The following TMEM260 variants were observed in gnomAD, a reference collection of about 807,000 sequenced individuals.
TMEM260 encodes the protein transmembrane protein 260.
In TMEM260, 82 loss-of-function variants were observed where a neutral mutation model predicts 88.9. The ratio of observed to expected loss-of-function variants is 0.92; its 90% CI spans 0.77 to 1.11. The LOEUF is 1.11. TMEM260 is among the 50% of genes least tolerant of loss of function. TMEM260 has a pLI of 0.00. For synonymous variants in TMEM260, 314 were observed against 309.3 expected (o/e 1.02, Z -0.16); for missense variants, 902 against 853.4 (o/e 1.06, Z -0.71).
intron 3 of TMEM260, among the ~76,000 whole-genome samples, chr14:56,598,174 C>CT (rs1243350802): frequency 2.0e-5 from 3 of 151,416 alleles, no homozygotes; most frequent in African/African-American, 7.3e-5. Flanking sequence ...AAGCAATTGT[C>CT]TGAGAATGAA....
At chr14:56,662,394 C>G in the TMEM260 span, among the ~76,000 whole-genome samples, 1 of 152,126 alleles carries the variant, frequency 6.6e-6, no homozygotes, top group African/African-American at 2.4e-5. Context: ...CTGCAGAGCC[C>G]GGCCACCAAC....
rs1006923243 is a variant in TMEM260 at position 56,579,821 on chromosome 14, C to T, written c.-94C>T. 3.3e-5 allele frequency: 39 copies of T among 1,166,344 alleles called. No individual in the cohort carries two copies. Among genetic ancestry groups the T allele is most frequent in the Admixed American group, 4.2e-5 (1 of 23,600 alleles). The allele number at this position is 1,166,344 out of a possible 1,614,324, so 72.2% of individuals were successfully genotyped here. A position where few individuals can be genotyped will look rare whatever the true frequency, so the allele number is the denominator to read the frequency against. ...TCGACCCGGAAGCCGCCGTGGCCGC[C>T]GCACAAGCTGCGCTCGTCTCTCGGC... On this transcript the variant is annotated 5_prime_UTR_variant, in exon 1 of 16. Coordinates refer to ENST00000261556, the MANE Select transcript of TMEM260 (RefSeq NM_017799.4).
At chr14:56,616,076 GAATTA>G in intron 8 of TMEM260, 49 bp downstream of exon 8, 1 of 1,365,602 alleles carries the variant, frequency 7.3e-7, no homozygotes. Flanking sequence ...TTCATGAATT[GAATTA>G]ATGTTTTCAG....
intron 15 of TMEM260, among the ~76,000 whole-genome samples, chr14:56,639,899 C>CT (rs1344009026): frequency 3.9e-5 from 6 of 152,204 alleles, no homozygotes; most frequent in African/African-American, 1.4e-4. Context: ...GCACAGCAGT[C>CT]TGAGATCAAA....
At chr14:56,635,865 GT>G (rs1215332328) in intron 14 of TMEM260, among the ~76,000 whole-genome samples, 1 of 151,892 alleles carries the variant, frequency 6.6e-6, no homozygotes, top group Non-Finnish European at 1.5e-5. Context: ...ATATACTATA[GT>G]TTATGCAATA....
chr14:56,605,471 A>G (rs190689121), intron 4 of TMEM260, 99 bp from the exon 5 acceptor site: 5,781 of 519,072 alleles, frequency 0.011, 172 homozygotes, highest in East Asian at 0.08. Context: ...ACCTAACATG[A>G]TACGAATGCT....
chr14:56,645,006 G>C (rs1889858776), intron 15 of TMEM260, among the ~76,000 whole-genome samples: 1 of 151,602 alleles, frequency 6.6e-6, no homozygotes, highest in African/African-American at 2.4e-5. Flanking sequence ...AGGTGCTGGA[G>C]AGGATGTGGA....
chr14:56,640,285 C>A (rs912862781), intron 15 of TMEM260, among the ~76,000 whole-genome samples: 1 of 152,090 alleles, frequency 6.6e-6, no homozygotes, highest in Admixed American at 6.5e-5. Flanking sequence ...CCGGGTACTC[C>A]TCTGAGACAA....
intron 12 of TMEM260, among the ~76,000 whole-genome samples, chr14:56,629,481 A>G (rs1331363939): frequency 6.6e-6 from 1 of 152,012 alleles, no homozygotes; most frequent in Non-Finnish European, 1.5e-5. Context: ...AACTTAAGAG[A>G]AAAAAATATT....
At chr14:56,603,741 AC>A in intron 3 of TMEM260, 73 bp from the exon 4 acceptor site, 1 of 1,542,348 alleles carries the variant, frequency 6.5e-7, no homozygotes, top group Non-Finnish European at 8.9e-7. Flanking sequence ...TTCTGCTGGT[AC>A]AGTTTACCAA....
intron 8 of TMEM260, chr14:56,616,259 T>C (rs776391443): frequency 4.8e-4 from 184 of 380,706 alleles, no homozygotes; most frequent in Middle Eastern, 4.3e-3. Context: ...AGTCATTTGA[T>C]GTCCTAAACT....
chr14:56,634,818 G>A, intron 13 of TMEM260, 81 bp from the exon 14 acceptor site: 2 of 1,278,134 alleles, frequency 1.6e-6, no homozygotes, highest in South Asian at 1.2e-5. Flanking sequence ...TTCCAGCCTG[G>A]GCAGCAAGAG....
chr14:56,623,332 G>T (rs868312008), intron 11 of TMEM260, among the ~76,000 whole-genome samples: 1 of 152,154 alleles, frequency 6.6e-6, no homozygotes, highest in African/African-American at 2.4e-5. Context: ...CCCAGTCACA[G>T]GATGCATGCC....
chr14:56,649,696 G>T (rs1890160543), downstream of TMEM260, among the ~76,000 whole-genome samples: 1 of 147,768 alleles, frequency 6.8e-6, no homozygotes, highest in African/African-American at 2.6e-5. Flanking sequence ...GGCAAATGAA[G>T]ACCTCTTTTT....
downstream of TMEM260, chr14:56,650,323 G>T: frequency 3.5e-6 from 1 of 283,246 alleles, no homozygotes; most frequent in Non-Finnish European, 7.0e-6. Flanking sequence ...CTGCCGCCCT[G>T]GCACCAAGGC....
chr14:56,612,374 G>A (rs1887338035), intron 7 of TMEM260, 89 bp downstream of exon 7: 1 of 1,131,846 alleles, frequency 8.8e-7, no homozygotes, highest in Non-Finnish European at 1.3e-6. Flanking sequence ...TCATCTCTTT[G>A]TAACAAAGTA....
intron 5 of TMEM260, 42 bp downstream of exon 5, chr14:56,605,725 T>A (rs779795892): frequency 2.1e-5 from 25 of 1,184,372 alleles, no homozygotes; most frequent in Non-Finnish European, 3.0e-5. Context: ...AATATTTTAC[T>A]TAGGTCTAAT....
intron 6 of TMEM260, among the ~76,000 whole-genome samples, chr14:56,611,465 G>T (rs932438647): frequency 2.6e-5 from 4 of 152,162 alleles, no homozygotes; most frequent in African/African-American, 9.7e-5. Context: ...AATCATTAGA[G>T]AAATGAAAAT....
At chr14:56,658,050 G>C in the TMEM260 span, among the ~76,000 whole-genome samples, 1 of 152,116 alleles carries the variant, frequency 6.6e-6, no homozygotes, top group Non-Finnish European at 1.5e-5. Flanking sequence ...TGTGTCACCT[G>C]CTCTTAAGCT....
Sources: allele counts gnomAD v4.1 joint callset (sites outside exome capture counted in the v4.1 genomes callset), GRCh38; gene constraint gnomAD v4.1.1; transcripts MANE v1.5; gene names NCBI Gene and HGNC (gene_info 2026-07-23, HGNC 2026-07-21).